The following CSMD2 variants were observed in gnomAD, a reference collection of about 807,000 sequenced individuals.
The protein encoded by CSMD2 is CUB and Sushi multiple domains 2.
CSMD2 carries 130 observed loss-of-function variants against 398.5 expected under a neutral mutation model. That is an observed-to-expected ratio of 0.33 (90% CI 0.28 to 0.38). The LOEUF (loss-of-function observed/expected upper bound fraction) is 0.38. CSMD2 is among the 10% of genes least tolerant of loss of function. The pLI is 1.00. For missense variants in CSMD2, 3,829 were observed against 4,764.9 expected, an observed-to-expected ratio of 0.80 and a Z score of 5.78; for synonymous variants, 1,828 against 1,908.5, an observed-to-expected ratio of 0.96 and a Z score of 1.10.
At chr1:33,850,079 A>T (rs948447989) in intron 5 of CSMD2, among the ~76,000 whole-genome samples, 1 of 151,982 alleles carries the variant, frequency 6.6e-6, no homozygotes, top group Non-Finnish European at 1.5e-5. Flanking sequence ...TTTGCAGTTG[A>T]CATCCCTTCT....
At chr1:34,124,308 T>A (rs1354957222) in intron 1 of CSMD2, among the ~76,000 whole-genome samples, 2 of 152,210 alleles carry the variant, frequency 1.3e-5, no homozygotes, top group Admixed American at 1.3e-4. Flanking sequence ...TTATGTCTGC[T>A]TGGAACTCAC....
At chr1:34,000,318 AG>A (rs1406873486) in intron 3 of CSMD2, among the ~76,000 whole-genome samples, 4 of 152,120 alleles carry the variant, frequency 2.6e-5, no homozygotes, top group Non-Finnish European at 5.9e-5. Context: ...AGGAGACTGA[AG>A]GAGAGACCAT....
At chr1:33,873,939 T>C (rs760526426) in intron 5 of CSMD2, 4 of 152,238 alleles carry the variant, frequency 2.6e-5, no homozygotes, top group Non-Finnish European at 5.9e-5. Context: ...ACTTCTCATC[T>C]CTCCTACCTT....
At chr1:33,593,985 C>T (rs755782920) in intron 44 of CSMD2, among the ~76,000 whole-genome samples, 17 of 152,126 alleles carry the variant, frequency 1.1e-4, no homozygotes, top group East Asian at 7.7e-4. Flanking sequence ...TTGATTCCAC[C>T]GTCACAAAAG....
intron 29 of CSMD2, among the ~76,000 whole-genome samples, chr1:33,645,235 T>C (rs1328937721): frequency 1.3e-5 from 2 of 151,960 alleles, no homozygotes; most frequent in African/African-American, 4.8e-5. Flanking sequence ...TGCGACCCCA[T>C]TTGTATGCTC....
intron 5 of CSMD2, among the ~76,000 whole-genome samples, chr1:33,851,278 C>T (rs540590230): frequency 1.1e-4 from 16 of 152,310 alleles, no homozygotes; most frequent in South Asian, 8.3e-4. Flanking sequence ...CTTTTCTGTT[C>T]AGCCTCCATT....
chr1:34,130,501 C>A, intron 1 of CSMD2, among the ~76,000 whole-genome samples: 1 of 150,812 alleles, frequency 6.6e-6, no homozygotes, highest in African/African-American at 2.4e-5. Flanking sequence ...CGTGGGTAGA[C>A]TGGCAGTCAA....
chr1:33,990,951 T>C (rs1209913498), intron 3 of CSMD2, among the ~76,000 whole-genome samples: 1 of 151,606 alleles, frequency 6.6e-6, no homozygotes, highest in Non-Finnish European at 1.5e-5. Context: ...GTATGGGACA[T>C]ATTTATGGTA....
rs185782228 is a variant in CSMD2 at position 33,810,402 on chromosome 1, C to T, written c.1446+341G>A. Among the ~76,000 whole-genome samples the T allele has an allele frequency of 2.1e-3, 320 of 152,062 alleles. 2 individuals carry two copies. The highest frequency in any genetic ancestry group is 7.2e-3 in the African/African-American group (299 of 41,486). ...CTTAAGTGCTAAGTATAAAGAAAAA[C>T]AAAGGAATAATAAACACACAATTGA... is the stretch of plus-strand genomic sequence containing the variant. On this transcript the variant is annotated intron_variant, in intron 10 of 70. Transcript: ENST00000373381.
chr1:33,865,776 A>AT (rs1639988434), intron 5 of CSMD2, among the ~76,000 whole-genome samples: 1 of 152,064 alleles, frequency 6.6e-6, no homozygotes. Flanking sequence ...AACACATTTC[A>AT]TTTTTTCCCT....
intron 25 of CSMD2, among the ~76,000 whole-genome samples, chr1:33,680,148 C>CTT (rs34735969): frequency 0.12 from 10,420 of 88,112 alleles, 543 homozygotes; most frequent in South Asian, 0.2. Flanking sequence ...ATGGCCTCGC[C>CTT]TTTTTTTTTT....
chr1:33,991,865 A>C (rs1646563986), intron 3 of CSMD2, among the ~76,000 whole-genome samples: 1 of 148,556 alleles, frequency 6.7e-6, no homozygotes, highest in Non-Finnish European at 1.5e-5. Context: ...TAAGTGGTCC[A>C]AGTCAATAAA....
chr1:33,783,418 G>GCTCATTCT (rs1653050305), intron 12 of CSMD2, among the ~76,000 whole-genome samples: 2 of 132,614 alleles, frequency 1.5e-5, no homozygotes, highest in Non-Finnish European at 3.1e-5. Context: ...ACAACACCAT[G>GCTCATTCT]CTCATTCTCT....
intron 13 of CSMD2, among the ~76,000 whole-genome samples, chr1:33,744,146 A>G (rs1322082572): frequency 1.3e-5 from 2 of 152,116 alleles, no homozygotes; most frequent in Non-Finnish European, 2.9e-5. Context: ...CAAAGCCACA[A>G]CTCAAGCCTA....
At chr1:33,739,108 A>G (rs770159458) in intron 15 of CSMD2, 32 bp downstream of exon 15, 15 of 1,591,784 alleles carry the variant, frequency 9.4e-6, no homozygotes, top group Non-Finnish European at 2.6e-6. Flanking sequence ...CTGGCTGACA[A>G]TGGCCACTGC....
intron 41 of CSMD2, among the ~76,000 whole-genome samples, chr1:33,607,631 G>A (rs1391420242): frequency 6.6e-6 from 1 of 152,254 alleles, no homozygotes; most frequent in African/African-American, 2.4e-5. Flanking sequence ...CCTAGCCCAA[G>A]AGGTTGGGAT....
intron 35 of CSMD2, among the ~76,000 whole-genome samples, chr1:33,623,753 A>G (rs1208555251): frequency 1.3e-5 from 2 of 152,236 alleles, no homozygotes; most frequent in Admixed American, 6.5e-5. Flanking sequence ...AGACAGTCTC[A>G]CTGACTGTCT....
intron 33 of CSMD2, among the ~76,000 whole-genome samples, chr1:33,626,172 T>A (rs1327435001): frequency 6.6e-6 from 1 of 152,194 alleles, no homozygotes; most frequent in Non-Finnish European, 1.5e-5. Context: ...CCAGGTAAGA[T>A]GCCTGGGCTG....
chr1:34,142,163 C>T (rs1360733211), intron 1 of CSMD2, among the ~76,000 whole-genome samples: 4 of 152,146 alleles, frequency 2.6e-5, no homozygotes. Context: ...CTTCTCTGAG[C>T]CATTCTTTTG....
Sources: allele counts gnomAD v4.1 joint callset (sites outside exome capture counted in the v4.1 genomes callset), GRCh38; gene constraint gnomAD v4.1.1; transcripts MANE v1.5; gene names NCBI Gene and HGNC (gene_info 2026-07-23, HGNC 2026-07-21).